The following NADSYN1 variants were observed in gnomAD, a reference collection of about 807,000 sequenced individuals.
The protein encoded by NADSYN1 is NAD synthetase 1.
A neutral mutation model predicts 99.3 loss-of-function variants in NADSYN1; 80 were observed. The ratio of observed to expected loss-of-function variants is 0.81; its 90% confidence interval spans 0.67 to 0.97. The LOEUF is 0.97. NADSYN1 is among the 50% of genes least tolerant of loss of function. The pLI is 0.00. For missense variants in NADSYN1, 859 were observed against 948.5 expected (o/e 0.91, Z 1.24); for synonymous variants, 385 against 372.1 (o/e 1.03, Z -0.40).
At chr11:71,468,864 A>G (rs1949609989) in intron 5 of NADSYN1, among the ~76,000 whole-genome samples, 1 of 152,258 alleles carries the variant, frequency 6.6e-6, no homozygotes, top group African/African-American at 2.4e-5. Context: ...TAACTTTAAG[A>G]AAGATACCAT....
Position 71,495,425 on chromosome 11 carries a change from T to C in NADSYN1, c.1765-2058T>C, listed in dbSNP as rs114808577. Among the ~76,000 whole-genome samples, 1,362 of 152,368 alleles carry C rather than the reference T, an allele frequency of 8.9e-3. 21 individuals are homozygous for C. The highest frequency in any genetic ancestry group is 0.031 in the African/African-American group (1,294 of 41,588). On this transcript the variant is annotated intron_variant, in intron 18 of 20. Coordinates refer to ENST00000319023, the MANE Select transcript of NADSYN1 (RefSeq NM_018161.5). ...CATTTAAAGTTGTCTGAGGCTTCTC[T>C]CGTGGCTCAGCAGATGGTCTGACCT...
intron 8 of NADSYN1, 144 bp from the exon 9 acceptor site, chr11:71,474,251 C>A (rs1220223324): frequency 1.9e-6 from 2 of 1,074,418 alleles, no homozygotes; most frequent in Non-Finnish European, 2.7e-6. Context: ...CTGTGCTTCC[C>A]CACACATATG....
intron 14 of NADSYN1, 116 bp downstream of exon 14, chr11:71,483,133 C>G: frequency 7.8e-7 from 1 of 1,276,602 alleles, no homozygotes; most frequent in Non-Finnish European, 1.1e-6. Context: ...ATCGTGTCAT[C>G]CACTATGTGG....
In NADSYN1 at chr11:71,482,757, A is replaced by G. The variant is rs1028687552; in HGVS notation, c.1151-92A>G. 19 of 1,411,148 alleles carry G rather than the reference A, an allele frequency of 1.3e-5. No homozygotes were observed. The East Asian group carries it at 2.1e-4, about 16-fold the overall frequency. The allele number at this position is 1,411,148 out of a possible 1,614,324, so 87.4% of individuals were successfully genotyped here. ...GGGGTGTAGACCGGGGTGGAGCCGC[A>G]TGGGCACCTGGGGGTGTAGACCGGG... On this transcript the variant is annotated intron_variant, in intron 13 of 20. Transcript: ENST00000319023.
Position 71,469,562 on chromosome 11 carries a change from C to T in NADSYN1, c.408-2887C>T, listed in dbSNP as rs913960743. ...TGTTTCTTTAGATTATAGATTAAAA[C>T]GGGAAACAAAGGGATGGGCTCTGGC... On this transcript the variant is annotated intron_variant, in intron 5 of 20. Transcript: ENST00000319023. Among the ~76,000 whole-genome samples the T allele has an allele frequency of 1.1e-4, 16 of 152,276 alleles. No individual in the cohort carries two copies. The East Asian group carries it at 2.5e-3, about 24-fold the overall frequency.
intron 16 of NADSYN1, among the ~76,000 whole-genome samples, chr11:71,489,509 G>A (rs1949765572): frequency 6.6e-6 from 1 of 152,182 alleles, no homozygotes; most frequent in African/African-American, 2.4e-5. Flanking sequence ...CAGCCCCGGC[G>A]GATTTCCCCA....
Position 71,481,380 on chromosome 11 carries a change from G to A in NADSYN1, c.1023G>A (p.Trp341Ter), listed in dbSNP as rs975668160. ...GCCTTGGACCTGCCTGCTGGCTCTG[G>A]GATTTTTTAAGACGAAGTCAACAGG... The part of the protein sequence containing the change: ...EISLGPACWL[W>*]DFLRRSQQAG... The change falls in exon 12 of 21, where the codon TGG becomes TGA. Residue 341 changes from tryptophan (W) to a stop codon, truncating the protein, a stop_gained. Coordinates refer to ENST00000319023, the MANE Select transcript of NADSYN1 (RefSeq NM_018161.5). LOFTEE classifies it high-confidence loss of function. 2 of 1,613,988 alleles carry A rather than the reference G, an allele frequency of 1.2e-6. No homozygotes were observed. The highest frequency in any genetic ancestry group is 1.3e-5 in the African/African-American group (1 of 74,906).
At chr11:71,469,945 GAC>G (rs1591125597) in intron 5 of NADSYN1, among the ~76,000 whole-genome samples, 2 of 67,188 alleles carry the variant, frequency 3.0e-5, no homozygotes, top group African/African-American at 5.3e-5. Flanking sequence ...AAAAAAAAAA[GAC>G]GTGTGTTAGT....
intron 20 of NADSYN1, 173 bp downstream of exon 20, chr11:71,498,701 G>A (rs944307932): frequency 1.5e-5 from 10 of 656,820 alleles, no homozygotes; most frequent in Middle Eastern, 4.0e-4. Flanking sequence ...TACTTTTTTC[G>A]TGTTGACAAA....
intron 9 of NADSYN1, 93 bp downstream of exon 9, chr11:71,474,619 G>A (rs772639491): frequency 1.3e-6 from 2 of 1,559,606 alleles, no homozygotes; most frequent in South Asian, 2.2e-5. Flanking sequence ...CTTAGTGAGG[G>A]CCCCTGTGGA....
At chr11:71,478,230 A>G (rs1451741664) in intron 9 of NADSYN1, among the ~76,000 whole-genome samples, 165 bp from the exon 10 acceptor site, 3 of 152,118 alleles carry the variant, frequency 2.0e-5, no homozygotes, top group Non-Finnish European at 2.9e-5. Context: ...GGGAAGGGCT[A>G]TGGGTCCGCC....
At chr11:71,491,717 C>T (rs1219919229) in intron 17 of NADSYN1, 117 bp from the exon 18 acceptor site, 12 of 894,980 alleles carry the variant, frequency 1.3e-5, no homozygotes, top group Admixed American at 8.2e-5. Context: ...GTCCTACCCA[C>T]GGTGAACGGA....
chr11:71,485,528 G>C lies in NADSYN1; in HGVS notation c.1456-14G>C. 4 of 1,544,930 alleles carry C rather than the reference G, an allele frequency of 2.6e-6. No individual in the cohort carries two copies. Among genetic ancestry groups the C allele is most frequent in the Non-Finnish European group, 2.6e-6 (3 of 1,143,234 alleles). ...TGCAAGGGAACCCGTTATTTCCTCT[G>C]TTGTGTTTTCCAGGCTCGAATACGG... On this transcript the variant is annotated splice_polypyrimidine_tract_variant and intron_variant, in intron 15 of 20. Coordinates refer to ENST00000319023, the MANE Select transcript of NADSYN1 (RefSeq NM_018161.5).
chr11:71,480,286 G>C, intron 10 of NADSYN1: 1 of 165,048 alleles, frequency 6.1e-6, no homozygotes, highest in Non-Finnish European at 1.3e-5. Flanking sequence ...TGAGTCTCCG[G>C]TCTCAGCCTC....
chr11:71,476,556 CG>C, intron 9 of NADSYN1: 1 of 634,714 alleles, frequency 1.6e-6, no homozygotes, highest in Admixed American at 6.1e-5. Flanking sequence ...GTTTCTTGCA[CG>C]GGGGCAGGCA....
chr11:71,466,328 G>T (rs760223220), intron 5 of NADSYN1, among the ~76,000 whole-genome samples: 1 of 152,128 alleles, frequency 6.6e-6, no homozygotes, highest in East Asian at 1.9e-4. Flanking sequence ...TCAGCCTCTA[G>T]ACCTCAAGAC....
intron 20 of NADSYN1, chr11:71,500,069 G>A (rs929793765): frequency 6.6e-6 from 1 of 152,120 alleles, no homozygotes; most frequent in African/African-American, 2.4e-5. Flanking sequence ...ATTAAAAACA[G>A]TGATAAATCC....
At chr11:71,454,689 G>T (rs1024590111) in intron 1 of NADSYN1, among the ~76,000 whole-genome samples, 2 of 152,192 alleles carry the variant, frequency 1.3e-5, no homozygotes, top group Non-Finnish European at 2.9e-5. Flanking sequence ...GCCTGACAGT[G>T]GCACCACTGC....
At position 71,501,693 on chromosome 11, in the gene NADSYN1, G is replaced by A. The variant is rs1003169477; in HGVS notation, c.*341G>A. On this transcript the variant is annotated 3_prime_UTR_variant, in exon 21 of 21. Coordinates refer to ENST00000319023, the MANE Select transcript of NADSYN1 (RefSeq NM_018161.5). The stretch of plus-strand genomic sequence containing the variant: ...TGCAGGAACAAGAACAGTAGCTCCC[G>A]GGAAGGGAGGGGTGTCATGAGCAGA... The A allele has an allele frequency of 9.7e-6, 3 of 310,218 alleles. No homozygotes were observed. The highest frequency in any genetic ancestry group is 1.1e-4 in the South Asian group (2 of 18,890). The allele number at this position is 310,218 out of a possible 1,614,324, so 19.2% of individuals were successfully genotyped here.
Sources: allele counts gnomAD v4.1 joint callset (sites outside exome capture counted in the v4.1 genomes callset), GRCh38; gene constraint gnomAD v4.1.1; transcripts MANE v1.5; gene names NCBI Gene and HGNC (gene_info 2026-07-23, HGNC 2026-07-21).